RAD51B: variants seen among roughly 807,000 people sequenced by gnomAD.
RAD51B encodes RAD51 paralog B, also known as DNA repair protein RAD51 homolog 2.
In RAD51B, 38 loss-of-function variants were observed where a neutral mutation model predicts 42.2. The ratio of observed to expected loss-of-function variants is 0.90; its 90% CI spans 0.70 to 1.18. RAD51B has a LOEUF of 1.18. Among genes scored for constraint, RAD51B ranks in the 50% most tolerant of loss-of-function variants. The pLI is 0.00. For synonymous variants in RAD51B, 154 were observed against 145.2 expected (o/e 1.06, Z -0.43); for missense variants, 373 against 400.7 (o/e 0.93, Z 0.59).
intron 10 of RAD51B, among the ~76,000 whole-genome samples, chr14:68,487,527 T>TG (rs1218991525): frequency 1.1e-4 from 16 of 151,976 alleles, no homozygotes; most frequent in Non-Finnish European, 2.2e-4. Context: ...TTTTTTTTTT[T>TG]GAGTTAAGTC....
intron 7 of RAD51B, among the ~76,000 whole-genome samples, chr14:68,230,547 A>G (rs2080127849): frequency 6.6e-6 from 1 of 152,232 alleles, no homozygotes; most frequent in Non-Finnish European, 1.5e-5. Flanking sequence ...AATAAAGGTC[A>G]GGGGTGGTTA....
chr14:68,587,263 G>A (rs1890534466), intron 10 of RAD51B, among the ~76,000 whole-genome samples: 1 of 152,180 alleles, frequency 6.6e-6, no homozygotes, highest in Admixed American at 6.5e-5. Context: ...GTGCTGGAAA[G>A]CAAACCTGAG....
chr14:67,962,532 A>G (rs1388910329), intron 7 of RAD51B, among the ~76,000 whole-genome samples: 2 of 152,212 alleles, frequency 1.3e-5, no homozygotes, highest in East Asian at 1.9e-4. Flanking sequence ...ACAATGTGCA[A>G]TACTACAGGA....
At chr14:68,023,188 G>C (rs945918139) in intron 7 of RAD51B, among the ~76,000 whole-genome samples, 3 of 152,122 alleles carry the variant, frequency 2.0e-5, no homozygotes, top group African/African-American at 7.2e-5. Flanking sequence ...TGGGATTACT[G>C]GGCCAATTGA....
chr14:68,347,495 G>A (rs1404315645), intron 8 of RAD51B, among the ~76,000 whole-genome samples: 10 of 152,156 alleles, frequency 6.6e-5, no homozygotes, highest in African/African-American at 1.2e-4. Context: ...CAGCCTGAGC[G>A]ACGTAGTAGG....
chr14:68,435,941 A>G (rs1048891535), intron 9 of RAD51B, among the ~76,000 whole-genome samples: 6 of 152,062 alleles, frequency 3.9e-5, no homozygotes, highest in African/African-American at 1.2e-4. Context: ...TGTCAGATGC[A>G]TAGTTTGTAA....
At chr14:68,085,160 A>AC (rs2076965761) in intron 7 of RAD51B, among the ~76,000 whole-genome samples, 1 of 152,182 alleles carries the variant, frequency 6.6e-6, no homozygotes, top group South Asian at 2.1e-4. Context: ...TGCCTTTGAG[A>AC]CATCCACAAG....
intron 7 of RAD51B, among the ~76,000 whole-genome samples, chr14:68,167,544 T>A (rs1490619022): frequency 2.6e-5 from 4 of 152,160 alleles, no homozygotes; most frequent in Non-Finnish European, 5.9e-5. Context: ...CTTGGTAGAT[T>A]GATTAGATAG....
intron 7 of RAD51B, among the ~76,000 whole-genome samples, chr14:68,088,593 T>C (rs2077037345): frequency 6.8e-6 from 1 of 147,618 alleles, no homozygotes; most frequent in African/African-American, 2.5e-5. Flanking sequence ...TGGGATCGTG[T>C]GTGTGTGTGT....
chr14:68,101,195 G>A (rs1399360818), intron 7 of RAD51B, among the ~76,000 whole-genome samples: 2 of 152,118 alleles, frequency 1.3e-5, no homozygotes, highest in East Asian at 1.9e-4. Flanking sequence ...GGGGATAAGG[G>A]GAACTGTAAT....
At chr14:68,123,653 C>G (rs1383266072) in intron 7 of RAD51B, among the ~76,000 whole-genome samples, 2 of 151,934 alleles carry the variant, frequency 1.3e-5, no homozygotes, top group Non-Finnish European at 2.9e-5. Flanking sequence ...ACTAAAAATA[C>G]AAAAATTAGC....
chr14:67,943,350 T>C (rs2045272884), intron 7 of RAD51B, among the ~76,000 whole-genome samples: 1 of 152,152 alleles, frequency 6.6e-6, no homozygotes. Flanking sequence ...GCTCCCTAAA[T>C]ATACACTTAG....
intron 10 of RAD51B, among the ~76,000 whole-genome samples, chr14:68,625,518 G>A (rs541749252): frequency 6.6e-6 from 1 of 152,066 alleles, no homozygotes; most frequent in East Asian, 1.9e-4. Context: ...TGTTGCCCAG[G>A]CTGTAGTGCA....
intron 7 of RAD51B, among the ~76,000 whole-genome samples, chr14:68,096,428 C>G (rs1471476134): frequency 1.3e-5 from 2 of 152,198 alleles, no homozygotes; most frequent in Non-Finnish European, 2.9e-5. Flanking sequence ...TCGTACCGTC[C>G]AAGAGCTATG....
chr14:68,377,865 G>A (rs1594751523), intron 8 of RAD51B, among the ~76,000 whole-genome samples: 1 of 152,192 alleles, frequency 6.6e-6, no homozygotes, highest in African/African-American at 2.4e-5. Flanking sequence ...CAAATTGGGA[G>A]CTGTAGATTC....
chr14:68,625,435 T>C (rs1892056075), intron 10 of RAD51B, among the ~76,000 whole-genome samples: 1 of 152,220 alleles, frequency 6.6e-6, no homozygotes, highest in Admixed American at 6.5e-5. Flanking sequence ...CCCTCTCTCC[T>C]AAGCTCTGAG....
chr14:68,479,688 T>TTTTTTTTTTTG (rs34627518), downstream of RAD51B, among the ~76,000 whole-genome samples: 11 of 137,012 alleles, frequency 8.0e-5, no homozygotes, highest in African/African-American at 1.7e-4. Context: ...TTTTTTTTTT[T>TTTTTTTTTTTG]GCCAGAGTCT....
At chr14:68,185,237 G>T (rs568592664) in intron 7 of RAD51B, among the ~76,000 whole-genome samples, 4 of 152,086 alleles carry the variant, frequency 2.6e-5, no homozygotes, top group African/African-American at 9.7e-5. Context: ...GTAAGACTGC[G>T]CATTGAAAAA....
intron 7 of RAD51B, among the ~76,000 whole-genome samples, chr14:68,284,633 C>T (rs1056064164): frequency 6.6e-6 from 1 of 152,122 alleles, no homozygotes; most frequent in African/African-American, 2.4e-5. Context: ...TCCCAGAAAA[C>T]AATTGTTGTG....
Sources: gnomAD v4.1 joint callset for allele counts (sites outside exome capture counted in the v4.1 genomes callset) on GRCh38, gnomAD v4.1.1 for gene constraint, MANE v1.5 for transcripts, NCBI Gene and HGNC (gene_info 2026-07-23, HGNC 2026-07-21) for gene names.